The following ACBD6 variants were observed in gnomAD, a reference collection of about 807,000 sequenced individuals.
The protein encoded by ACBD6 is acyl-CoA binding domain containing 6.
In ACBD6, 28 loss-of-function variants were observed where a neutral mutation model predicts 37.2. That is an observed-to-expected ratio of 0.75 (90% confidence interval 0.56 to 1.03). The LOEUF (loss-of-function observed/expected upper bound fraction) is 1.03, where lower values mean the gene tolerates loss of function less well. Ranked by LOEUF, ACBD6 falls within the 50% of genes least tolerant of loss-of-function variation. The probability of loss-of-function intolerance (pLI) is 0.00; values close to 1 mark genes in which losing one functional copy is unlikely to be tolerated. For synonymous variants in ACBD6, 113 were observed against 126.8 expected (o/e 0.89, Z 0.73); for missense variants, 340 against 337.4 (o/e 1.01, Z -0.06).
intron 6 of ACBD6, among the ~76,000 whole-genome samples, chr1:180,370,557 A>G (rs764595451): frequency 6.6e-6 from 1 of 152,184 alleles, no homozygotes; most frequent in Non-Finnish European, 1.5e-5. Flanking sequence ...ATACAGTAAC[A>G]TTAGTTAAAT....
intron 6 of ACBD6, among the ~76,000 whole-genome samples, chr1:180,352,267 T>C (rs1652449041): frequency 6.6e-6 from 1 of 152,098 alleles, no homozygotes; most frequent in Admixed American, 6.6e-5. Context: ...GAATGCTTTA[T>C]TGTTAATATT....
intron 7 of ACBD6, among the ~76,000 whole-genome samples, chr1:180,291,040 T>C (rs1175159056): frequency 6.6e-6 from 1 of 152,238 alleles, no homozygotes; most frequent in Non-Finnish European, 1.5e-5. Context: ...CTCTTTCACT[T>C]AGCATGTTGC....
intron 6 of ACBD6, among the ~76,000 whole-genome samples, chr1:180,342,259 C>T (rs1365161182): frequency 2.0e-5 from 3 of 152,030 alleles, no homozygotes; most frequent in Non-Finnish European, 4.4e-5. Flanking sequence ...TCTATTCTGC[C>T]TTCCAAGAGT....
chr1:180,446,272 C>T (rs185040336), intron 3 of ACBD6, among the ~76,000 whole-genome samples: 71 of 151,952 alleles, frequency 4.7e-4, no homozygotes, highest in Non-Finnish European at 8.8e-4. Flanking sequence ...CTCAGCCTCC[C>T]TAAGTGCTGA....
intron 1 of ACBD6, among the ~76,000 whole-genome samples, chr1:180,498,193 A>G (rs1297423932): frequency 6.6e-6 from 1 of 152,240 alleles, no homozygotes; most frequent in East Asian, 1.9e-4. Context: ...AAAGTTTTTA[A>G]GTACTGGGAA....
chr1:180,459,502 T>C (rs1001660950), intron 3 of ACBD6, among the ~76,000 whole-genome samples: 17 of 152,288 alleles, frequency 1.1e-4, no homozygotes, highest in African/African-American at 3.8e-4. Context: ...AACTGGGCCT[T>C]TGTGACAATT....
rs552164101 is a variant in ACBD6 at position 180,473,908 on chromosome 1, T to C, written c.384+18361A>G. ...ATTCACTTGATTAAAATATTTCTTA[T>C]AACCTTTTACTTGTACTAAAAAGTA... On this transcript the variant is annotated intron_variant, in intron 3 of 7. Transcript: ENST00000367595. Among the ~76,000 whole-genome samples, 38 of 152,318 alleles carry C rather than the reference T, an allele frequency of 2.5e-4. No individual in the cohort carries two copies. The South Asian group carries it at 7.7e-3, about 31-fold the overall frequency.
chr1:180,395,466 AT>A (rs774323429), intron 6 of ACBD6, among the ~76,000 whole-genome samples: 2 of 151,766 alleles, frequency 1.3e-5, no homozygotes, highest in Admixed American at 6.6e-5. Flanking sequence ...GTGTTGTGTG[AT>A]TTTTTTTTAT....
intron 6 of ACBD6, among the ~76,000 whole-genome samples, chr1:180,351,383 C>T (rs1369086401): frequency 1.3e-5 from 2 of 151,230 alleles, no homozygotes; most frequent in Non-Finnish European, 2.9e-5. Flanking sequence ...TCAAGCAATT[C>T]TCCTGCCTCG....
intron 3 of ACBD6, among the ~76,000 whole-genome samples, chr1:180,431,580 A>G (rs879745818): frequency 6.6e-6 from 1 of 152,172 alleles, no homozygotes; most frequent in Non-Finnish European, 1.5e-5. Flanking sequence ...GATATTTTTG[A>G]CTTATAATAG....
At chr1:180,291,364 CTTACCAGCACT>C (rs958986255) in intron 7 of ACBD6, among the ~76,000 whole-genome samples, 1 of 152,142 alleles carries the variant, frequency 6.6e-6, no homozygotes, top group African/African-American at 2.4e-5. Context: ...CCTTTGCACC[CTTACCAGCACT>C]TTACTATTAT....
chr1:180,316,139 G>A (rs1257659326), intron 6 of ACBD6, among the ~76,000 whole-genome samples: 1 of 152,146 alleles, frequency 6.6e-6, no homozygotes, highest in Non-Finnish European at 1.5e-5. Flanking sequence ...GGCAGCTATA[G>A]TGAATAGTAT....
At chr1:180,375,668 C>T (rs1653404217) in intron 6 of ACBD6, among the ~76,000 whole-genome samples, 1 of 152,048 alleles carries the variant, frequency 6.6e-6, no homozygotes, top group African/African-American at 2.4e-5. Flanking sequence ...AACAGGTAAG[C>T]CACTTGGAAG....
intron 7 of ACBD6, among the ~76,000 whole-genome samples, chr1:180,292,205 A>G (rs1649736038): frequency 6.6e-6 from 1 of 152,172 alleles, no homozygotes; most frequent in South Asian, 2.1e-4. Flanking sequence ...AAGTTTTTAC[A>G]AAGATCCTGC....
At chr1:180,460,382 G>A (rs4651064) in intron 3 of ACBD6, among the ~76,000 whole-genome samples, 73,886 of 151,988 alleles carry the variant, frequency 0.49, 20,787 homozygotes, top group South Asian at 0.66. Flanking sequence ...ACAGGTCGCA[G>A]AAACGGTACC....
chr1:180,369,465 A>C (rs1653174427), intron 6 of ACBD6, among the ~76,000 whole-genome samples: 1 of 152,136 alleles, frequency 6.6e-6, no homozygotes, highest in African/African-American at 2.4e-5. Flanking sequence ...AGCAGCTATA[A>C]ATTTTATATT....
chr1:180,500,091 G>A (rs1651894954), intron 1 of ACBD6, among the ~76,000 whole-genome samples: 1 of 147,942 alleles, frequency 6.8e-6, no homozygotes. Context: ...TCCAGCCTGA[G>A]CAACGAAACA....
intron 7 of ACBD6, among the ~76,000 whole-genome samples, chr1:180,299,987 C>T (rs1043209412): frequency 6.6e-6 from 1 of 152,070 alleles, no homozygotes; most frequent in Non-Finnish European, 1.5e-5. Context: ...TAAGGACGTA[C>T]AGTAGTAGAA....
chr1:180,499,239 T>C (rs1196574853), intron 1 of ACBD6, among the ~76,000 whole-genome samples: 2 of 152,242 alleles, frequency 1.3e-5, no homozygotes, highest in Non-Finnish European at 1.5e-5. Context: ...AGAAATGATA[T>C]TGGACTTCCA....
Sources: gnomAD v4.1 joint callset for allele counts (sites outside exome capture counted in the v4.1 genomes callset) on GRCh38, gnomAD v4.1.1 for gene constraint, MANE v1.5 for transcripts, NCBI Gene and HGNC (gene_info 2026-07-23, HGNC 2026-07-21) for gene names.